DUSP13A: variants seen among roughly 807,000 people sequenced by gnomAD.
DUSP13A encodes the protein dual specificity protein phosphatase 13A.
chr10:75,107,445 T>C, the DUSP13A span, among the ~76,000 whole-genome samples: 2 of 152,228 alleles, frequency 1.3e-5, no homozygotes, highest in Non-Finnish European at 2.9e-5. Context: ...AGAGCTGTTC[T>C]GCTGTTTGGG....
At chr10:75,108,088 G>A in the DUSP13A span, 96 of 1,613,886 alleles carry the variant, frequency 5.9e-5, no homozygotes, top group African/African-American at 9.5e-4. Context: ...GGCACCCCCA[G>A]GTAGCTCACA....
the DUSP13A span, among the ~76,000 whole-genome samples, chr10:75,107,531 T>C: frequency 6.6e-6 from 1 of 152,104 alleles, no homozygotes; most frequent in African/African-American, 2.4e-5. Flanking sequence ...TTTCCCCATC[T>C]GGGAAGGAAT....
chr10:75,108,864 C>T, the DUSP13A span: 45 of 1,103,288 alleles, frequency 4.1e-5, no homozygotes, highest in Admixed American at 7.0e-5. Flanking sequence ...TCAGCACCCC[C>T]GGGGGTCCTG....
chr10:75,106,708 G>A, the DUSP13A span, among the ~76,000 whole-genome samples: 2 of 152,228 alleles, frequency 1.3e-5, no homozygotes, highest in African/African-American at 4.8e-5. Flanking sequence ...TTCCAAGAGG[G>A]CAGGGATCCT....
chr10:75,105,923 G>T, the DUSP13A span: 2 of 1,504,762 alleles, frequency 1.3e-6, no homozygotes, highest in Non-Finnish European at 1.8e-6. Flanking sequence ...CCACCCACGG[G>T]CTGGGATGGG....
the DUSP13A span, among the ~76,000 whole-genome samples, chr10:75,107,704 G>A: frequency 2.0e-5 from 3 of 152,156 alleles, no homozygotes; most frequent in Non-Finnish European, 4.4e-5. Context: ...AGCCTCCAGA[G>A]TAGCTGAGAT....
the DUSP13A span, chr10:75,109,123 T>C: frequency 6.2e-7 from 1 of 1,608,326 alleles, no homozygotes; most frequent in South Asian, 1.1e-5. Context: ...GGCTTTGTCC[T>C]CTCCCCCCAG....
the DUSP13A span, among the ~76,000 whole-genome samples, chr10:75,107,191 C>T: frequency 2.0e-5 from 3 of 151,882 alleles, no homozygotes; most frequent in South Asian, 2.1e-4. Context: ...AAAAATTAGC[C>T]GGGTATGGTG....
chr10:75,106,064 G>C, the DUSP13A span, among the ~76,000 whole-genome samples: 36 of 151,714 alleles, frequency 2.4e-4, no homozygotes, highest in Non-Finnish European at 4.4e-5. Context: ...CTACCCTTGG[G>C]ATAGGGTCCG....
At chr10:75,107,896 A>G in the DUSP13A span, 1 of 1,389,594 alleles carries the variant, frequency 7.2e-7, no homozygotes, top group Non-Finnish European at 9.8e-7. Flanking sequence ...GATTTTTAAA[A>G]AGCAGGGATG....
At chr10:75,106,604 A>C in the DUSP13A span, among the ~76,000 whole-genome samples, 2 of 151,628 alleles carry the variant, frequency 1.3e-5, no homozygotes, top group Non-Finnish European at 2.9e-5. Flanking sequence ...TGGGCTTAGC[A>C]CCCCCGCCGT....
the DUSP13A span, chr10:75,108,384 T>G: frequency 8.0e-7 from 1 of 1,243,582 alleles, no homozygotes; most frequent in African/African-American, 1.5e-5. Context: ...CCCCGCACTT[T>G]CTGGTGGCTG....
At chr10:75,108,885 C>G in the DUSP13A span, 3 of 1,310,724 alleles carry the variant, frequency 2.3e-6, no homozygotes, top group Non-Finnish European at 3.0e-6. Flanking sequence ...GAGAAGGTCC[C>G]TGGCCTGGGA....
chr10:75,105,746 A>C, the DUSP13A span: 1 of 1,554,362 alleles, frequency 6.4e-7, no homozygotes, highest in Non-Finnish European at 8.7e-7. Flanking sequence ...GGGAAGACCC[A>C]TCGGTGCTGC....
the DUSP13A span, chr10:75,107,864 A>T: frequency 5.1e-6 from 6 of 1,168,228 alleles, no homozygotes; most frequent in Non-Finnish European, 7.2e-6. Context: ...AGCATGAGCC[A>T]CCACACACGG....
At chr10:75,108,375 C>A in the DUSP13A span, 1 of 1,309,202 alleles carries the variant, frequency 7.6e-7, no homozygotes, top group East Asian at 2.6e-5. Context: ...TACCCAGAGC[C>A]CCGCACTTTC....
the DUSP13A span, among the ~76,000 whole-genome samples, chr10:75,107,346 GAA>G: frequency 3.4e-5 from 4 of 116,212 alleles, no homozygotes; most frequent in Non-Finnish European, 3.6e-5. Flanking sequence ...CTCTGTCTCA[GAA>G]AAAAAAAAAA....
At chr10:75,107,071 CA>C in the DUSP13A span, among the ~76,000 whole-genome samples, 1 of 152,152 alleles carries the variant, frequency 6.6e-6, no homozygotes, top group East Asian at 1.9e-4. Flanking sequence ...TGCGGTGGCT[CA>C]TGCCTATAAT....
chr10:75,108,864 C>CG, the DUSP13A span: 12 of 1,103,408 alleles, frequency 1.1e-5, no homozygotes, highest in Non-Finnish European at 1.5e-5. Flanking sequence ...TCAGCACCCC[C>CG]GGGGGTCCTG....
Sources: allele counts gnomAD v4.1 joint callset (sites outside exome capture counted in the v4.1 genomes callset), GRCh38; gene constraint gnomAD v4.1.1; transcripts MANE v1.5; gene names NCBI Gene and HGNC (gene_info 2026-07-23, HGNC 2026-07-21).